The following CCDC91 variants were observed in gnomAD, a reference collection of about 807,000 sequenced individuals.
CCDC91 encodes the protein coiled-coil domain containing 91.
CCDC91 carries 48 observed loss-of-function variants against 63.2 expected under a neutral mutation model. The ratio of observed to expected loss-of-function variants is 0.76; its 90% CI spans 0.60 to 0.97. CCDC91 has a LOEUF of 0.97. Among genes scored for constraint, CCDC91 ranks in the 50% least tolerant of loss-of-function variants. The pLI is 0.00. For missense variants in CCDC91, 500 were observed against 494.6 expected (o/e 1.01, Z -0.10); for synonymous variants, 167 against 165.8 (o/e 1.01, Z -0.06).
chr12:28,546,294 T>C (rs1942984722), intron 12 of CCDC91, among the ~76,000 whole-genome samples: 2 of 152,146 alleles, frequency 1.3e-5, no homozygotes, highest in South Asian at 4.1e-4. Context: ...CTATCTGTAG[T>C]CTGGTCACTT....
intron 12 of CCDC91, among the ~76,000 whole-genome samples, chr12:28,498,938 C>T (rs1256694481): frequency 6.6e-6 from 1 of 151,648 alleles, no homozygotes; most frequent in East Asian, 1.9e-4. Context: ...GCTGTATTCT[C>T]AGTATCTAGA....
At chr12:28,266,650 A>C (rs1044935064) in intron 3 of CCDC91, among the ~76,000 whole-genome samples, 8 of 151,956 alleles carry the variant, frequency 5.3e-5, no homozygotes, top group African/African-American at 1.9e-4. Context: ...ACAGTATTTT[A>C]TGGTACCTGC....
chr12:28,400,987 A>G (rs985020733), intron 8 of CCDC91, among the ~76,000 whole-genome samples: 3 of 152,118 alleles, frequency 2.0e-5, no homozygotes, highest in Admixed American at 6.6e-5. Flanking sequence ...AGCCTTTAGG[A>G]AGTTCCAAAC....
At chr12:28,496,059 G>T (rs1952263752) in intron 12 of CCDC91, among the ~76,000 whole-genome samples, 1 of 151,558 alleles carries the variant, frequency 6.6e-6, no homozygotes, top group African/African-American at 2.4e-5. Flanking sequence ...ATCAACCAGG[G>T]TTCTTCTTTT....
At chr12:28,519,420 T>C (rs1288956232) in intron 12 of CCDC91, among the ~76,000 whole-genome samples, 1 of 151,962 alleles carries the variant, frequency 6.6e-6, no homozygotes, top group Admixed American at 6.6e-5. Flanking sequence ...ATTTTGGATC[T>C]GGAAACTGTT....
chr12:28,420,146 A>G (rs1262740821), intron 8 of CCDC91, among the ~76,000 whole-genome samples: 1 of 152,162 alleles, frequency 6.6e-6, no homozygotes, highest in South Asian at 2.1e-4. Flanking sequence ...CCCATATCAC[A>G]TAACCAGTAA....
intron 8 of CCDC91, among the ~76,000 whole-genome samples, chr12:28,427,939 C>T (rs1367387933): frequency 1.3e-5 from 2 of 152,086 alleles, no homozygotes; most frequent in African/African-American, 4.8e-5. Flanking sequence ...GAAGGCCTTT[C>T]TTACAAATAA....
rs1196399846 is a variant in CCDC91, at chr12:28,485,514, T to TC, written c.1215+1353dup. On this transcript the variant is annotated intron_variant, in intron 12 of 12. Transcript: ENST00000536442. ...CAAATTTGGTATGATACAAAGAAAA[T>TC]CCCCATCTCTTGATGGCTACAGTTA... Among the ~76,000 whole-genome samples, 4 of 151,900 alleles carry TC rather than the reference T, an allele frequency of 2.6e-5. No individual in the cohort carries two copies. The East Asian group carries it at 7.7e-4, about 29-fold the overall frequency.
intron 6 of CCDC91, among the ~76,000 whole-genome samples, chr12:28,356,975 A>G (rs1430950794): frequency 6.6e-6 from 1 of 152,186 alleles, no homozygotes; most frequent in Non-Finnish European, 1.5e-5. Flanking sequence ...CCATCCGTGT[A>G]GCAGAGGATC....
At chr12:28,420,330 A>G (rs1285467133) in intron 8 of CCDC91, among the ~76,000 whole-genome samples, 1 of 152,170 alleles carries the variant, frequency 6.6e-6, no homozygotes, top group Non-Finnish European at 1.5e-5. Flanking sequence ...GATTAAATGG[A>G]TATGTTTGAG....
intron 6 of CCDC91, among the ~76,000 whole-genome samples, chr12:28,330,406 A>C (rs1941400495): frequency 6.6e-6 from 1 of 150,618 alleles, no homozygotes; most frequent in Non-Finnish European, 1.5e-5. Context: ...TGGCTGCATA[A>C]ATGTCTTCTT....
At chr12:28,260,266 A>C (rs1031705991) in intron 3 of CCDC91, among the ~76,000 whole-genome samples, 3 of 151,974 alleles carry the variant, frequency 2.0e-5, no homozygotes, top group African/African-American at 7.2e-5. Context: ...GATCTGAGTC[A>C]AGTAGTAACC....
At chr12:28,441,680 C>A in intron 8 of CCDC91, among the ~76,000 whole-genome samples, 1 of 141,898 alleles carries the variant, frequency 7.0e-6, no homozygotes. Flanking sequence ...TCATATATAT[C>A]TCATGTGTAT....
intron 6 of CCDC91, among the ~76,000 whole-genome samples, chr12:28,360,808 T>C (rs1300302196): frequency 1.3e-5 from 2 of 152,182 alleles, no homozygotes; most frequent in African/African-American, 4.8e-5. Flanking sequence ...TTGTGGAAGA[T>C]ATCTGTTAAT....
At chr12:28,223,508 T>C (rs1225134765) in intron 1 of CCDC91, among the ~76,000 whole-genome samples, 1 of 152,180 alleles carries the variant, frequency 6.6e-6, no homozygotes, top group Non-Finnish European at 1.5e-5. Flanking sequence ...CTGGTGCAAC[T>C]ACCTGGCACT....
chr12:28,484,098 A>G lies in CCDC91; in HGVS notation c.1148A>G (p.Lys383Arg). Residue 383 changes from lysine to arginine, a missense_variant, in exon 12 of 13, where the codon AAG becomes AGG. Lys to Arg is a conservative substitution (Grantham distance 26). Transcript: ENST00000536442. Reference protein sequence around the residue: ...AIIEEQKRSEKAVEEAVKRTR... With the variant: ...AIIEEQKRSERAVEEAVKRTR... ...ATAGAAGAGCAGAAACGAAGTGAAA[A>G]GGCTGTGGAAGAGGCAGTGAAAAGA... 1.2e-6 allele frequency: 2 copies of G among 1,611,822 alleles called. No homozygotes were observed. The highest frequency in any genetic ancestry group is 1.7e-6 in the Non-Finnish European group (2 of 1,178,840).
At chr12:28,444,574 A>G (rs11049607) in intron 8 of CCDC91, among the ~76,000 whole-genome samples, 32,924 of 152,162 alleles carry the variant, frequency 0.22, 4,330 homozygotes, top group Non-Finnish European at 0.3. Flanking sequence ...AAACTAATGC[A>G]GGAATAGAAC....
intron 3 of CCDC91, among the ~76,000 whole-genome samples, chr12:28,271,255 A>G (rs924248831): frequency 1.1e-4 from 17 of 152,146 alleles, no homozygotes; most frequent in African/African-American, 1.7e-4. Flanking sequence ...ACTTTTGGCA[A>G]TGTAGATACA....
Position 28,452,662 on chromosome 12 carries a change from A to ATATT in CCDC91, c.1101+9_1101+12dup. 1 of 1,375,782 alleles carries ATATT rather than the reference A, an allele frequency of 7.3e-7. No homozygotes were observed. The highest frequency in any genetic ancestry group is 9.9e-7 in the Non-Finnish European group (1 of 1,012,434). The allele number at this position is 1,375,782 out of a possible 1,614,324, so 85.2% of individuals were successfully genotyped here. On this transcript the variant is annotated intron_variant, in intron 11 of 12. Coordinates refer to ENST00000536442, the MANE Select transcript of CCDC91 (RefSeq NM_018318.5). The stretch of plus-strand genomic sequence containing the variant: ...CAAAGAAAAATAAGTCAGGTTAGTA[A>ATATT]TATTAACTGTTAGTAAATATTTACT...
Sources: allele counts gnomAD v4.1 joint callset (sites outside exome capture counted in the v4.1 genomes callset), GRCh38; gene constraint gnomAD v4.1.1; transcripts MANE v1.5; gene names NCBI Gene and HGNC (gene_info 2026-07-23, HGNC 2026-07-21).